Variants in SLC24A2 observed in about 807,000 individuals in gnomAD.
SLC24A2 encodes the protein sodium/potassium/calcium exchanger 2.
A neutral mutation model predicts 62.0 loss-of-function variants in SLC24A2; 36 were observed. The observed-to-expected ratio is 0.58, with a 90% CI of 0.44 to 0.77. The LOEUF is 0.77. SLC24A2 is among the 30% of genes least tolerant of loss of function. The pLI is 0.00. For missense variants in SLC24A2, 846 were observed against 817.9 expected, an observed-to-expected ratio of 1.03 and a Z score of -0.42; for synonymous variants, 358 against 294.0, an observed-to-expected ratio of 1.22 and a Z score of -2.23.
At chr9:19,726,184 T>C (rs962057771) in intron 2 of SLC24A2, among the ~76,000 whole-genome samples, 5 of 152,284 alleles carry the variant, frequency 3.3e-5, no homozygotes, top group Middle Eastern at 6.8e-3. Flanking sequence ...GTCACCTCTT[T>C]GCGCACAAAC....
At chr9:19,788,560 G>C in intron 1 of SLC24A2, 4 of 985,466 alleles carry the variant, frequency 4.1e-6, no homozygotes, top group Non-Finnish European at 4.8e-6. Flanking sequence ...GTTGCATTTG[G>C]TGAGGCGCTT....
chr9:19,659,573 C>A (rs1023027948), intron 2 of SLC24A2, among the ~76,000 whole-genome samples: 5 of 152,092 alleles, frequency 3.3e-5, no homozygotes, highest in African/African-American at 7.2e-5. Flanking sequence ...AAACGCTTAT[C>A]CTTTATAATA....
chr9:19,938,609 A>AG, the SLC24A2 span, among the ~76,000 whole-genome samples: 2 of 152,190 alleles, frequency 1.3e-5, no homozygotes, highest in African/African-American at 4.8e-5. Flanking sequence ...TAGACCTATA[A>AG]GTCTCCAGGT....
chr9:20,181,152 T>G, the SLC24A2 span, among the ~76,000 whole-genome samples: 1 of 152,118 alleles, frequency 6.6e-6, no homozygotes, highest in African/African-American at 2.4e-5. Flanking sequence ...AGCTTTGTAG[T>G]TAACTAGTCT....
chr9:19,567,463 G>A (rs1443032973), intron 7 of SLC24A2, among the ~76,000 whole-genome samples: 5 of 148,414 alleles, frequency 3.4e-5, no homozygotes, highest in Admixed American at 6.7e-5. Flanking sequence ...GGAGAATGGC[G>A]TGAACCCGGG....
chr9:20,128,912 C>G, the SLC24A2 span, among the ~76,000 whole-genome samples: 1 of 152,034 alleles, frequency 6.6e-6, no homozygotes, highest in African/African-American at 2.4e-5. Flanking sequence ...ATGCCAAGAG[C>G]ATGAGCAACA....
At chr9:19,820,011 A>G in the SLC24A2 span, among the ~76,000 whole-genome samples, 1,418 of 41,072 alleles carry the variant, frequency 0.035, 19 homozygotes, top group Middle Eastern at 0.081. Context: ...ATATATGTGT[A>G]TATATATATA....
the SLC24A2 span, among the ~76,000 whole-genome samples, chr9:19,874,412 A>G: frequency 6.6e-6 from 1 of 152,206 alleles, no homozygotes. Flanking sequence ...TCTAAATATA[A>G]TTGAATACTT....
At chr9:20,227,503 C>T in the SLC24A2 span, among the ~76,000 whole-genome samples, 1 of 133,604 alleles carries the variant, frequency 7.5e-6, no homozygotes. Flanking sequence ...AAAAGGCTTA[C>T]ACATTTTCTG....
At chr9:19,969,447 A>T in the SLC24A2 span, among the ~76,000 whole-genome samples, 6 of 152,172 alleles carry the variant, frequency 3.9e-5, no homozygotes, top group Non-Finnish European at 8.8e-5. Flanking sequence ...GCACAAAAAA[A>T]TTCCACACTC....
the SLC24A2 span, among the ~76,000 whole-genome samples, chr9:20,227,386 G>A: frequency 9.2e-5 from 14 of 152,102 alleles, no homozygotes; most frequent in South Asian, 2.9e-3. Context: ...CATCATCTTT[G>A]TGGTGTTTTA....
the SLC24A2 span, among the ~76,000 whole-genome samples, chr9:20,096,329 T>G: frequency 6.6e-6 from 1 of 152,168 alleles, no homozygotes; most frequent in East Asian, 1.9e-4. Context: ...AACTCATTCT[T>G]TCTCTCAGGA....
the SLC24A2 span, among the ~76,000 whole-genome samples, chr9:19,914,787 C>T: frequency 6.6e-6 from 1 of 151,944 alleles, no homozygotes. Context: ...AAAATGGGCT[C>T]AAGACAGCAA....
At chr9:19,752,389 T>G (rs1417609819) in intron 2 of SLC24A2, among the ~76,000 whole-genome samples, 2 of 151,922 alleles carry the variant, frequency 1.3e-5, no homozygotes, top group Admixed American at 6.6e-5. Flanking sequence ...TATGGCAGAA[T>G]CTGAATGAGA....
chr9:20,159,853 T>C, the SLC24A2 span, among the ~76,000 whole-genome samples: 1 of 151,542 alleles, frequency 6.6e-6, no homozygotes, highest in African/African-American at 2.4e-5. Flanking sequence ...GTTTAAAATA[T>C]ACAAAGAAGT....
the SLC24A2 span, among the ~76,000 whole-genome samples, chr9:20,195,598 T>C: frequency 7.2e-5 from 11 of 152,304 alleles, no homozygotes; most frequent in African/African-American, 2.6e-4. Context: ...ATCAATTATA[T>C]GTATTGCAAA....
At chr9:20,005,576 T>G in the SLC24A2 span, among the ~76,000 whole-genome samples, 1 of 152,046 alleles carries the variant, frequency 6.6e-6, no homozygotes. Context: ...CTCTAAAATT[T>G]CATTTTTTAC....
At chr9:19,670,668 C>G (rs1819388365) in intron 2 of SLC24A2, among the ~76,000 whole-genome samples, 1 of 152,186 alleles carries the variant, frequency 6.6e-6, no homozygotes, top group South Asian at 2.1e-4. Flanking sequence ...GATCCTAGCT[C>G]TACCAGCCTC....
At chr9:20,182,593 C>T in the SLC24A2 span, among the ~76,000 whole-genome samples, 6 of 152,070 alleles carry the variant, frequency 3.9e-5, no homozygotes, top group African/African-American at 1.2e-4. Context: ...AATGAGAACA[C>T]GTGGACACAG....
Sources: allele counts gnomAD v4.1 joint callset (sites outside exome capture counted in the v4.1 genomes callset), GRCh38; gene constraint gnomAD v4.1.1; transcripts MANE v1.5; gene names NCBI Gene and HGNC (gene_info 2026-07-23, HGNC 2026-07-21).